PRKACB: variants seen among roughly 807,000 people sequenced by gnomAD.
PRKACB encodes cAMP-dependent protein kinase catalytic subunit beta.
Under a neutral mutation model 51.4 loss-of-function variants are expected in PRKACB, and 16 were observed. The ratio of observed to expected loss-of-function variants is 0.31; its 90% confidence interval spans 0.21 to 0.47. The LOEUF (loss-of-function observed/expected upper bound fraction) is 0.47, where lower values mean the gene tolerates loss of function less well. PRKACB is among the 20% of genes least tolerant of loss of function. PRKACB has a pLI of 1.00. For missense variants in PRKACB, 309 were observed against 464.5 expected (o/e 0.67, Z 3.08); for synonymous variants, 147 against 154.4 (o/e 0.95, Z 0.35).
intron 1 of PRKACB, among the ~76,000 whole-genome samples, chr1:84,114,500 G>T (rs1026674527): frequency 2.6e-5 from 4 of 151,972 alleles, no homozygotes; most frequent in African/African-American, 9.7e-5. Flanking sequence ...GGTGTAACAT[G>T]AATTTTATTA....
Position 84,182,208 on chromosome 1 carries a change from C to T in PRKACB, c.258C>T (p.Ala86=), listed in dbSNP as rs370005044. The T allele has an allele frequency of 8.1e-5, 126 of 1,559,974 alleles. 1 individual carries two copies. Among genetic ancestry groups the T allele is most frequent in the East Asian group, 7.1e-4 (31 of 43,570 alleles). ...TATGTATTTACATATAGAATAATGC[C>T]GGACTTGAAGATTTTGAAAGGAAAA... is the stretch of plus-strand genomic sequence containing the variant. ...KKWENPTQNN[A]GLEDFERKKT... is the part of the protein sequence containing the mutation. Residue 86 remains alanine, a synonymous_variant, in exon 3 of 10, where the codon GCC becomes GCT. Transcript: ENST00000370685.
At chr1:84,234,522 A>G (rs113928870) in intron 9 of PRKACB, among the ~76,000 whole-genome samples, 5 of 140,204 alleles carry the variant, frequency 3.6e-5, no homozygotes, top group South Asian at 2.4e-4. Flanking sequence ...CCTCACTGCC[A>G]CCTTGCAGTT....
At chr1:84,112,792 A>C (rs76568037) in intron 1 of PRKACB, among the ~76,000 whole-genome samples, 8 of 152,306 alleles carry the variant, frequency 5.3e-5, no homozygotes, top group Non-Finnish European at 1.2e-4. Context: ...AGGGCTCCCA[A>C]GAAACCAGTG....
At chr1:84,226,267 G>GTTTTTTTTTTTTTTT (rs199877646) in intron 9 of PRKACB, among the ~76,000 whole-genome samples, 1 of 80,150 alleles carries the variant, frequency 1.2e-5, no homozygotes. Flanking sequence ...TGGTTTGTGG[G>GTTTTTTTTTTTTTTT]TTTTTTGTTT....
chr1:84,119,753 A>G (rs1650914797), intron 1 of PRKACB, among the ~76,000 whole-genome samples: 1 of 152,174 alleles, frequency 6.6e-6, no homozygotes. Flanking sequence ...ATAGGCACAC[A>G]TATAGCATAG....
chr1:84,114,894 T>C (rs1030679809), intron 1 of PRKACB, among the ~76,000 whole-genome samples: 4 of 152,238 alleles, frequency 2.6e-5, no homozygotes, highest in African/African-American at 9.6e-5. Context: ...CAAGTAATAT[T>C]GCATTCTGCA....
At chr1:84,117,313 T>C (rs552621438) in intron 1 of PRKACB, among the ~76,000 whole-genome samples, 1 of 152,268 alleles carries the variant, frequency 6.6e-6, no homozygotes, top group East Asian at 1.9e-4. Context: ...GTGCTGACCT[T>C]GTAGAATGAG....
At chr1:84,159,154 A>G (rs190925438) in intron 1 of PRKACB, among the ~76,000 whole-genome samples, 19 of 152,192 alleles carry the variant, frequency 1.2e-4, no homozygotes, top group Admixed American at 1.2e-3. Context: ...TTCTGGATCA[A>G]TTTGTCAGTT....
intron 1 of PRKACB, among the ~76,000 whole-genome samples, chr1:84,090,842 G>A (rs1648401775): frequency 6.6e-6 from 1 of 152,206 alleles, no homozygotes; most frequent in East Asian, 1.9e-4. Context: ...CACTTTGATG[G>A]AAGGAGTTAG....
upstream of PRKACB, chr1:84,078,098 TCGCCGCCGC>T (rs555766497): frequency 2.3e-4 from 95 of 419,680 alleles, no homozygotes; most frequent in South Asian, 1.1e-3. Flanking sequence ...GCCACCGCCG[TCGCCGCCGC>T]CGCCGCCGCC....
chr1:84,185,277 T>A, intron 5 of PRKACB, 95 bp downstream of exon 5: 1 of 914,348 alleles, frequency 1.1e-6, no homozygotes, highest in Non-Finnish European at 1.6e-6. Context: ...TTATTTTGTT[T>A]GATTAATATT....
chr1:84,162,178 C>T (rs939728808), intron 1 of PRKACB, among the ~76,000 whole-genome samples: 18 of 151,992 alleles, frequency 1.2e-4, no homozygotes, highest in Non-Finnish European at 2.4e-4. Flanking sequence ...TATTTTTCCC[C>T]TGGACGTGAT....
At chr1:84,210,652 T>C (rs891645887) in intron 8 of PRKACB, among the ~76,000 whole-genome samples, 1 of 152,160 alleles carries the variant, frequency 6.6e-6, no homozygotes, top group Non-Finnish European at 1.5e-5. Flanking sequence ...GTAGTTATAA[T>C]TGATAATGAT....
chr1:84,084,035 C>T (rs1647766516), intron 1 of PRKACB, among the ~76,000 whole-genome samples: 1 of 152,072 alleles, frequency 6.6e-6, no homozygotes, highest in Non-Finnish European at 1.5e-5. Flanking sequence ...ATGAAACCTG[C>T]CACAAATCCT....
In PRKACB at chr1:84,235,356, A is replaced by C; in HGVS notation, c.*51A>C. ...CACACTCAGTGTTTGCACTCTGTTG[A>C]GAGATAAGGTAGAGCTGAGACCGTC... On this transcript the variant is annotated 3_prime_UTR_variant, in exon 10 of 10. Coordinates refer to ENST00000370685, the MANE Select transcript of PRKACB (RefSeq NM_182948.4). 1 of 1,610,132 alleles carries C rather than the reference A, an allele frequency of 6.2e-7. No individual in the cohort carries two copies.
intron 5 of PRKACB, among the ~76,000 whole-genome samples, chr1:84,191,227 T>G (rs969739146): frequency 6.6e-6 from 1 of 152,152 alleles, no homozygotes; most frequent in Non-Finnish European, 1.5e-5. Flanking sequence ...ATAATGAAAT[T>G]CCTTTAGTGT....
intron 1 of PRKACB, among the ~76,000 whole-genome samples, chr1:84,085,395 CA>C (rs1647886871): frequency 6.6e-6 from 1 of 152,122 alleles, no homozygotes; most frequent in Non-Finnish European, 1.5e-5. Context: ...TCACTTTGGA[CA>C]AATGTTTTAA....
chr1:84,105,956 A>G (rs751516529), intron 1 of PRKACB, among the ~76,000 whole-genome samples: 3 of 151,260 alleles, frequency 2.0e-5, no homozygotes, highest in East Asian at 1.9e-4. Flanking sequence ...CCATGAATCA[A>G]AAATGTTGAA....
chr1:84,123,982 A>G (rs922010018), intron 1 of PRKACB, among the ~76,000 whole-genome samples: 1 of 152,198 alleles, frequency 6.6e-6, no homozygotes, highest in Non-Finnish European at 1.5e-5. Flanking sequence ...AAAGTAGTGT[A>G]GAAATATATG....
Sources: gnomAD v4.1 joint callset for allele counts (sites outside exome capture counted in the v4.1 genomes callset) on GRCh38, gnomAD v4.1.1 for gene constraint, MANE v1.5 for transcripts, NCBI Gene and HGNC (gene_info 2026-07-23, HGNC 2026-07-21) for gene names.